The following RBPMS variants were observed in gnomAD, a reference collection of about 807,000 sequenced individuals.
The protein encoded by RBPMS is RNA-binding protein with multiple splicing.
In RBPMS, 7 loss-of-function variants were observed where a neutral mutation model predicts 26.8. The ratio of observed to expected loss-of-function variants is 0.26; its 90% CI spans 0.15 to 0.49. The LOEUF (loss-of-function observed/expected upper bound fraction) is 0.49. Ranked by LOEUF, RBPMS falls within the 20% of genes least tolerant of loss-of-function variation. The probability of loss-of-function intolerance (pLI) is 0.98; values close to 1 mark genes in which losing one functional copy is unlikely to be tolerated. For synonymous variants in RBPMS, 96 were observed against 93.3 expected, an observed-to-expected ratio of 1.03 and a Z score of -0.17; for missense variants, 186 against 250.0, an observed-to-expected ratio of 0.74 and a Z score of 1.73.
At chr8:30,564,894 T>C (rs1167238382) in intron 7 of RBPMS, 1 of 152,064 alleles carries the variant, frequency 6.6e-6, no homozygotes, top group East Asian at 1.9e-4. Context: ...TTGTCCCCTA[T>C]GCTCCTGGGG....
At chr8:30,557,156 AAGAG>A (rs955450137) in intron 6 of RBPMS, among the ~76,000 whole-genome samples, 19 of 152,156 alleles carry the variant, frequency 1.2e-4, no homozygotes, top group African/African-American at 4.6e-4. Context: ...TGGTCGCCAG[AAGAG>A]ACCCAATGCA....
intron 4 of RBPMS, among the ~76,000 whole-genome samples, chr8:30,487,167 T>C (rs1334957001): frequency 6.6e-6 from 1 of 152,246 alleles, no homozygotes; most frequent in Non-Finnish European, 1.5e-5. Context: ...TTGACTGTCT[T>C]GACTACCCAC....
At chr8:30,501,187 C>T (rs191240556) in intron 4 of RBPMS, among the ~76,000 whole-genome samples, 1 of 152,086 alleles carries the variant, frequency 6.6e-6, no homozygotes, top group Non-Finnish European at 1.5e-5. Flanking sequence ...GCTGAGCACA[C>T]ACTCCAAAGT....
At chr8:30,456,348 G>C (rs1733931067) in intron 1 of RBPMS, among the ~76,000 whole-genome samples, 1 of 152,106 alleles carries the variant, frequency 6.6e-6, no homozygotes, top group African/African-American at 2.4e-5. Context: ...AGTTGTCTAA[G>C]CGCTGCTTAC....
chr8:30,437,474 G>A (rs1049837027), intron 1 of RBPMS, among the ~76,000 whole-genome samples: 1 of 150,894 alleles, frequency 6.6e-6, no homozygotes, highest in Non-Finnish European at 1.5e-5. Context: ...GGCCAGTATG[G>A]TAAAACTCCA....
chr8:30,489,052 A>AT (rs1365053528), intron 4 of RBPMS, among the ~76,000 whole-genome samples: 5 of 151,870 alleles, frequency 3.3e-5, no homozygotes, highest in African/African-American at 4.8e-5. Flanking sequence ...TTGGTTTTTG[A>AT]TTTTTTGTTG....
In RBPMS at chr8:30,544,638, A is replaced by G. The variant is rs1418450928; in HGVS notation, c.528+14A>G. On this transcript the variant is annotated intron_variant, in intron 6 of 8. Coordinates refer to ENST00000397323, the MANE Select transcript of RBPMS (RefSeq NM_001008710.3). ...CTGCATGCCCAGGTAATTGATACCC[A>G]TCGGCCAGGACTTCACTCACTTCAC... is the stretch of plus-strand genomic sequence containing the variant. 1.9e-6 allele frequency: 3 copies of G among 1,613,604 alleles called. No individual in the cohort carries two copies. The highest frequency in any genetic ancestry group is 2.2e-5 in the East Asian group (1 of 44,874).
At chr8:30,455,460 G>A (rs1815086602) in intron 1 of RBPMS, among the ~76,000 whole-genome samples, 1 of 152,082 alleles carries the variant, frequency 6.6e-6, no homozygotes, top group Non-Finnish European at 1.5e-5. Flanking sequence ...TCCTGACTGT[G>A]GTATAAACAA....
chr8:30,567,496 G>C (rs1372623320), intron 8 of RBPMS, among the ~76,000 whole-genome samples: 1 of 152,180 alleles, frequency 6.6e-6, no homozygotes, highest in Non-Finnish European at 1.5e-5. Context: ...TTTTCCTTTT[G>C]TCAAAGCTCT....
At chr8:30,418,826 G>A (rs1018253522) in intron 1 of RBPMS, among the ~76,000 whole-genome samples, 2 of 151,914 alleles carry the variant, frequency 1.3e-5, no homozygotes, top group Non-Finnish European at 2.9e-5. Context: ...TGATCCATCC[G>A]CCTCAGCCTC....
intron 4 of RBPMS, among the ~76,000 whole-genome samples, chr8:30,481,863 G>C (rs1197619027): frequency 1.3e-5 from 2 of 152,294 alleles, no homozygotes; most frequent in East Asian, 3.9e-4. Flanking sequence ...GTTGTAGTTA[G>C]GGAAACAGAC....
chr8:30,464,723 T>C lies in RBPMS; in HGVS notation c.67-10056T>C, dbSNP rs111756515. 4.2e-3 allele frequency among the ~76,000 whole-genome samples: 639 copies of C among 152,324 alleles called. 3 individuals carry two copies. The highest frequency in any genetic ancestry group is 0.014 in the African/African-American group (596 of 41,576). Reference sequence around the variant, plus strand: ...ACTTGTTTCTTTGAACAAATCTGTTTTGTAAAATGAGTCACCCAGATTATG... The same window carrying C: ...ACTTGTTTCTTTGAACAAATCTGTTCTGTAAAATGAGTCACCCAGATTATG... On this transcript the variant is annotated intron_variant, in intron 1 of 8. Coordinates refer to ENST00000397323, the MANE Select transcript of RBPMS (RefSeq NM_001008710.3).
chr8:30,502,017 G>A (rs1290122602), intron 4 of RBPMS, among the ~76,000 whole-genome samples: 18 of 151,960 alleles, frequency 1.2e-4, no homozygotes, highest in South Asian at 2.1e-4. Flanking sequence ...ACTTAGCTGC[G>A]CAGGATATTG....
chr8:30,486,864 C>T (rs1011741683), intron 4 of RBPMS, among the ~76,000 whole-genome samples: 1 of 152,120 alleles, frequency 6.6e-6, no homozygotes, highest in African/African-American at 2.4e-5. Context: ...TGAAATAGCT[C>T]TCAGAATTTT....
intron 5 of RBPMS, among the ~76,000 whole-genome samples, chr8:30,506,057 C>G (rs1351269242): frequency 2.0e-5 from 3 of 152,092 alleles, no homozygotes; most frequent in African/African-American, 7.2e-5. Flanking sequence ...GACCACGAAA[C>G]TTTTTCTGAA....
chr8:30,549,076 T>C (rs892291130), intron 6 of RBPMS, among the ~76,000 whole-genome samples: 6 of 152,204 alleles, frequency 3.9e-5, no homozygotes, highest in Admixed American at 6.5e-5. Context: ...GCAAGGACTC[T>C]GATGGTTTTG....
intron 5 of RBPMS, among the ~76,000 whole-genome samples, chr8:30,504,838 A>G (rs1006341171): frequency 6.6e-6 from 1 of 152,140 alleles, no homozygotes; most frequent in Non-Finnish European, 1.5e-5. Context: ...GAAAAATAGG[A>G]TATTAAAAGA....
intron 1 of RBPMS, among the ~76,000 whole-genome samples, chr8:30,450,170 A>G (rs960945639): frequency 7.9e-5 from 12 of 152,242 alleles, no homozygotes; most frequent in African/African-American, 2.4e-4. Context: ...ATAGATTGCT[A>G]CATATAGACA....
intron 5 of RBPMS, among the ~76,000 whole-genome samples, chr8:30,525,300 CTA>C (rs1249233511): frequency 2.6e-5 from 4 of 152,148 alleles, no homozygotes; most frequent in South Asian, 4.1e-4. Context: ...AAACAGGAAA[CTA>C]TGTGATTCTT....
Sources: gnomAD v4.1 joint callset for allele counts (sites outside exome capture counted in the v4.1 genomes callset) on GRCh38, gnomAD v4.1.1 for gene constraint, MANE v1.5 for transcripts, NCBI Gene and HGNC (gene_info 2026-07-23, HGNC 2026-07-21) for gene names.